Variants in GAS7 observed in about 807,000 individuals in gnomAD.
GAS7 encodes growth arrest specific 7, also known as growth arrest-specific protein 7.
GAS7 carries 28 observed loss-of-function variants against 71.1 expected under a neutral mutation model. The observed-to-expected ratio is 0.39, with a 90% CI of 0.29 to 0.54. GAS7 has a LOEUF of 0.54. GAS7 is among the 20% of genes least tolerant of loss of function. The probability of loss-of-function intolerance (pLI) is 0.62; values close to 1 mark genes in which losing one functional copy is unlikely to be tolerated. For synonymous variants in GAS7, 258 were observed against 245.8 expected, an observed-to-expected ratio of 1.05 and a Z score of -0.46; for missense variants, 436 against 627.8, an observed-to-expected ratio of 0.69 and a Z score of 3.27.
chr17:10,000,148 A>G (rs1477634981), intron 2 of GAS7, among the ~76,000 whole-genome samples: 1 of 152,238 alleles, frequency 6.6e-6, no homozygotes, highest in African/African-American at 2.4e-5. Context: ...GCTGTGTGAT[A>G]TAAGCATCAC....
At chr17:10,010,894 C>T (rs1261924595) in intron 2 of GAS7, among the ~76,000 whole-genome samples, 1 of 152,200 alleles carries the variant, frequency 6.6e-6, no homozygotes, top group East Asian at 1.9e-4. Context: ...CTACAATCTC[C>T]GTGCAAAACC....
At chr17:9,990,374 G>A (rs569232431) in intron 2 of GAS7, among the ~76,000 whole-genome samples, 12 of 152,210 alleles carry the variant, frequency 7.9e-5, no homozygotes, top group African/African-American at 1.9e-4. Context: ...CGCCCAGAGC[G>A]AGCGAGCCAG....
intron 1 of GAS7, among the ~76,000 whole-genome samples, chr17:10,162,012 AGCCGAGATTGT>A (rs1405781105): frequency 6.9e-6 from 1 of 144,034 alleles, no homozygotes; most frequent in Admixed American, 7.4e-5. Flanking sequence ...GCCTGCAGTG[AGCCGAGATTGT>A]GCCACTGCAC....
intron 4 of GAS7, among the ~76,000 whole-genome samples, chr17:9,967,607 T>G (rs1433805386): frequency 8.4e-6 from 1 of 119,178 alleles, no homozygotes; most frequent in African/African-American, 3.3e-5. Context: ...ATGCAATGTG[T>G]GTCCTACTTT....
At chr17:10,105,938 C>G (rs997460429) in intron 1 of GAS7, among the ~76,000 whole-genome samples, 2 of 152,152 alleles carry the variant, frequency 1.3e-5, no homozygotes, top group Non-Finnish European at 2.9e-5. Flanking sequence ...TTGCCATGTT[C>G]GTATTTCCTC....
intron 1 of GAS7, among the ~76,000 whole-genome samples, chr17:10,075,963 G>A (rs1002135615): frequency 6.6e-6 from 1 of 151,240 alleles, no homozygotes; most frequent in Non-Finnish European, 1.5e-5. Context: ...TTAACCAGGC[G>A]TGGTGGCACA....
Position 9,911,101 on chromosome 17 carries a change from G to A in GAS7, c.*6127C>T, listed in dbSNP as rs1038986772. ...GAAGGGATGCTAAGTTGGGGCCCCT[G>A]TCACTAAGGATGGCTGGCGTCCCTT... On this transcript the variant is annotated 3_prime_UTR_variant, in exon 14 of 14. Coordinates refer to ENST00000432992, the MANE Select transcript of GAS7 (RefSeq NM_201433.2). The surrounding 1 kb of genome is among the most constrained non-coding windows in gnomAD (Gnocchi z 4.0). 2.6e-5 allele frequency: 6 copies of A among 233,042 alleles called. No individual in the cohort carries two copies. The highest frequency in any genetic ancestry group is 3.4e-5 in the Non-Finnish European group (4 of 117,984). 14.4% of individuals were successfully genotyped at this position (233,042 alleles called of 1,614,324 possible).
At chr17:10,057,365 C>G (rs961388669) in intron 1 of GAS7, among the ~76,000 whole-genome samples, 1 of 152,010 alleles carries the variant, frequency 6.6e-6, no homozygotes, top group African/African-American at 2.4e-5. Flanking sequence ...CTCTGCCCGG[C>G]CCCCCATCGT....
intron 1 of GAS7, among the ~76,000 whole-genome samples, chr17:10,148,571 T>TGG (rs1413723522): frequency 6.9e-6 from 1 of 145,978 alleles, no homozygotes; most frequent in Admixed American, 6.9e-5. Flanking sequence ...TGAGCCAAGA[T>TGG]TGCACCACTG....
At chr17:9,931,016 C>T (rs2068190402) in intron 9 of GAS7, among the ~76,000 whole-genome samples, 1 of 152,192 alleles carries the variant, frequency 6.6e-6, no homozygotes, top group South Asian at 2.1e-4. Context: ...TTGTCCAGGG[C>T]CAGTCTGCAG....
intron 1 of GAS7, among the ~76,000 whole-genome samples, chr17:10,077,262 A>T (rs2073405031): frequency 6.6e-6 from 1 of 152,234 alleles, no homozygotes; most frequent in South Asian, 2.1e-4. Flanking sequence ...ATAAATACTT[A>T]TGATTAAAAT....
At chr17:10,117,223 C>T (rs909671862) in intron 1 of GAS7, among the ~76,000 whole-genome samples, 2 of 152,124 alleles carry the variant, frequency 1.3e-5, no homozygotes, top group African/African-American at 4.8e-5. Flanking sequence ...CAGCCTCTTG[C>T]TTCCAACATC....
At chr17:10,020,020 T>A in intron 1 of GAS7, 123 bp from the exon 2 acceptor site, 1 of 941,490 alleles carries the variant, frequency 1.1e-6, no homozygotes, top group Non-Finnish European at 1.6e-6. Context: ...CTGCGGCCCA[T>A]AAACCCCTGA....
chr17:10,026,343 C>A lies in GAS7; in HGVS notation c.184-6446G>T, dbSNP rs979833066. ...CCCACACCCCCACTCCCCCCACACC[C>A]AGATCTATATATAACAGCTCTGAAG... On this transcript the variant is annotated intron_variant, in intron 1 of 13. Coordinates refer to ENST00000432992, the MANE Select transcript of GAS7 (RefSeq NM_201433.2). This position sits in a 1 kb window ranked among gnomAD's most constrained non-coding sequence, Gnocchi z 4.5. 1.0e-6 allele frequency: 1 copy of A among 960,018 alleles called. No homozygotes were observed. Among genetic ancestry groups the A allele is most frequent in the African/African-American group, 1.8e-5 (1 of 56,776 alleles). 59.5% of individuals were successfully genotyped at this position (960,018 alleles called of 1,614,324 possible).
At chr17:10,112,984 G>C (rs752981327) in intron 1 of GAS7, among the ~76,000 whole-genome samples, 6 of 152,132 alleles carry the variant, frequency 3.9e-5, no homozygotes, top group Non-Finnish European at 7.3e-5. Flanking sequence ...AGAGAGGCTA[G>C]ACCAAGTCCA....
At chr17:10,076,456 A>G (rs919005996) in intron 1 of GAS7, among the ~76,000 whole-genome samples, 7 of 150,384 alleles carry the variant, frequency 4.7e-5, no homozygotes, top group Non-Finnish European at 8.9e-5. Context: ...GGGGAGGGAA[A>G]GGAAAGGAAA....
intron 2 of GAS7, among the ~76,000 whole-genome samples, chr17:10,003,988 C>A (rs1405049946): frequency 5.9e-5 from 9 of 152,210 alleles, no homozygotes; most frequent in Admixed American, 4.6e-4. Context: ...GACCTCATGC[C>A]AGCTTTGCAT....
chr17:10,012,024 A>T (rs890651492), intron 2 of GAS7, among the ~76,000 whole-genome samples: 4 of 151,010 alleles, frequency 2.6e-5, no homozygotes, highest in Admixed American at 6.6e-5. Flanking sequence ...CTCTTTGTTT[A>T]AAAAAAAAGA....
At chr17:9,958,643 T>C (rs1480669403) in intron 5 of GAS7, among the ~76,000 whole-genome samples, 1 of 130,856 alleles carries the variant, frequency 7.6e-6, no homozygotes, top group East Asian at 2.8e-4. Context: ...CCCCTTCATC[T>C]CTGCATGGGG....
Sources: gnomAD v4.1 joint callset for allele counts (sites outside exome capture counted in the v4.1 genomes callset) on GRCh38, gnomAD v4.1.1 for gene constraint, Gnocchi (gnomAD v3.1) non-coding constraint, MANE v1.5 for transcripts, NCBI Gene and HGNC (gene_info 2026-07-23, HGNC 2026-07-21) for gene names.